The following SDK1 variants were observed in gnomAD, a reference collection of about 807,000 sequenced individuals.
SDK1 encodes the protein protein sidekick-1.
Under a neutral mutation model 245.5 loss-of-function variants are expected in SDK1, and 157 were observed. The observed-to-expected ratio is 0.64, with a 90% confidence interval of 0.56 to 0.73. SDK1 has a LOEUF of 0.73. Among genes scored for constraint, SDK1 ranks in the 30% least tolerant of loss-of-function variants. SDK1 has a pLI of 0.00. For missense variants in SDK1, 3,583 were observed against 3,002.3 expected (o/e 1.19, Z -4.52); for synonymous variants, 1,647 against 1,278.5 (o/e 1.29, Z -6.15).
chr7:3,729,001 A>G (rs1020627509), intron 4 of SDK1, among the ~76,000 whole-genome samples: 2 of 152,208 alleles, frequency 1.3e-5, no homozygotes, highest in Non-Finnish European at 2.9e-5. Context: ...AGAATATAGG[A>G]TGCCAACGGT....
At chr7:4,233,131 A>G (rs1785903136) in intron 40 of SDK1, 124 bp from the exon 41 acceptor site, 1 of 842,512 alleles carries the variant, frequency 1.2e-6, no homozygotes, top group African/African-American at 1.7e-5. Flanking sequence ...CTCACTCCGC[A>G]TCCAGTGCCC....
chr7:3,644,782 AAAAAAAAAAAC>A (rs1379116800), intron 4 of SDK1, among the ~76,000 whole-genome samples: 5 of 141,334 alleles, frequency 3.5e-5, no homozygotes, highest in South Asian at 5.1e-4. Context: ...CCAAAAAAAA[AAAAAAAAAAAC>A]AAAAAACAAC....
chr7:3,379,084 G>A (rs1781422227), intron 1 of SDK1, among the ~76,000 whole-genome samples: 1 of 152,172 alleles, frequency 6.6e-6, no homozygotes, highest in African/African-American at 2.4e-5. Context: ...TTCTGCTGAG[G>A]AAACTTTTCA....
chr7:4,233,467 G>A (rs778775770), intron 41 of SDK1, 48 bp downstream of exon 41: 20 of 1,572,968 alleles, frequency 1.3e-5, no homozygotes, highest in Non-Finnish European at 1.6e-5. Context: ...ACTAGAGGGA[G>A]AAATGGGGTC....
chr7:3,303,967 G>A (rs1429983985), intron 1 of SDK1, among the ~76,000 whole-genome samples: 1 of 152,136 alleles, frequency 6.6e-6, no homozygotes, highest in African/African-American at 2.4e-5. Context: ...CGCCTCCTAA[G>A]TACCATATTA....
chr7:3,801,322 A>T (rs938676836), intron 4 of SDK1, among the ~76,000 whole-genome samples: 4 of 152,186 alleles, frequency 2.6e-5, no homozygotes, highest in African/African-American at 9.7e-5. Flanking sequence ...AGCATAGTGC[A>T]TATAATTTAT....
At chr7:4,194,225 CGTATGTGT>C (rs1562415357) in intron 35 of SDK1, among the ~76,000 whole-genome samples, 195 of 150,442 alleles carry the variant, frequency 1.3e-3, no homozygotes, top group African/African-American at 4.7e-3. Context: ...TATGTATACA[CGTATGTGT>C]ATACATGTAT....
At chr7:3,593,847 C>T (rs1380668475) in intron 1 of SDK1, among the ~76,000 whole-genome samples, 2 of 152,158 alleles carry the variant, frequency 1.3e-5, no homozygotes, top group Non-Finnish European at 2.9e-5. Flanking sequence ...CTTTCTGAAC[C>T]CCTGTGTGCC....
At chr7:3,779,586 C>G (rs1161022953) in intron 4 of SDK1, among the ~76,000 whole-genome samples, 16 of 152,022 alleles carry the variant, frequency 1.1e-4, no homozygotes, top group Non-Finnish European at 1.5e-5. Flanking sequence ...TTCTCTAATA[C>G]TATTTAAAAT....
At chr7:4,102,829 A>G (rs1229717773) in intron 22 of SDK1, among the ~76,000 whole-genome samples, 1 of 152,102 alleles carries the variant, frequency 6.6e-6, no homozygotes, top group East Asian at 1.9e-4. Context: ...CCGTGGGTAT[A>G]ACAGACAGAC....
chr7:3,920,671 G>A (rs1356622388), intron 5 of SDK1, among the ~76,000 whole-genome samples: 2 of 152,204 alleles, frequency 1.3e-5, no homozygotes, highest in Non-Finnish European at 2.9e-5. Flanking sequence ...GGGGCTGCAG[G>A]TGGAGATTCG....
At chr7:4,039,301 A>AT (rs1788437471) in intron 17 of SDK1, among the ~76,000 whole-genome samples, 1 of 143,806 alleles carries the variant, frequency 7.0e-6, no homozygotes, top group South Asian at 2.2e-4. Context: ...TTAAAGTATA[A>AT]TAAAAAAAAA....
intron 4 of SDK1, among the ~76,000 whole-genome samples, chr7:3,642,594 A>T (rs1782686644): frequency 6.6e-6 from 1 of 152,010 alleles, no homozygotes; most frequent in South Asian, 2.1e-4. Flanking sequence ...TGACAGTTTT[A>T]TTTCTCTTCA....
At chr7:3,559,001 A>G (rs979176355) in intron 1 of SDK1, among the ~76,000 whole-genome samples, 1 of 152,160 alleles carries the variant, frequency 6.6e-6, no homozygotes, top group African/African-American at 2.4e-5. Context: ...ATTGGAAGGA[A>G]TGGCTGATTG....
chr7:3,995,600 G>A (rs2128142522), intron 14 of SDK1, among the ~76,000 whole-genome samples: 1 of 152,340 alleles, frequency 6.6e-6, no homozygotes, highest in Non-Finnish European at 1.5e-5. Context: ...GCAATCATTT[G>A]AATAATCTTT....
At chr7:4,002,460 A>G (rs986741924) in intron 14 of SDK1, among the ~76,000 whole-genome samples, 2 of 152,198 alleles carry the variant, frequency 1.3e-5, no homozygotes, top group Non-Finnish European at 2.9e-5. Flanking sequence ...ACTGAGCTGA[A>G]CACTAAGATA....
intron 1 of SDK1, among the ~76,000 whole-genome samples, chr7:3,445,176 C>G (rs914063916): frequency 7.2e-5 from 11 of 152,040 alleles, no homozygotes; most frequent in Admixed American, 2.0e-4. Flanking sequence ...AAATTGTTCA[C>G]CTTATTAACA....
chr7:4,183,640 CAAAA>C (rs548155248), intron 35 of SDK1, among the ~76,000 whole-genome samples: 7 of 73,150 alleles, frequency 9.6e-5, no homozygotes, highest in Admixed American at 4.9e-4. Flanking sequence ...GACTCCGTCT[CAAAA>C]AAAAAAAAAA....
At chr7:3,418,782 C>G (rs566043201) in intron 1 of SDK1, among the ~76,000 whole-genome samples, 10 of 152,196 alleles carry the variant, frequency 6.6e-5, no homozygotes, top group South Asian at 2.1e-4. Flanking sequence ...AGACCTTAGG[C>G]AAGTTGACTA....
Sources: gnomAD v4.1 joint callset for allele counts (sites outside exome capture counted in the v4.1 genomes callset) on GRCh38, gnomAD v4.1.1 for gene constraint, MANE v1.5 for transcripts, NCBI Gene and HGNC (gene_info 2026-07-23, HGNC 2026-07-21) for gene names.